AP5Z1: variants seen among roughly 807,000 people sequenced by gnomAD.
AP5Z1 encodes AP-5 complex subunit zeta-1.
In AP5Z1, 106 loss-of-function variants were observed where a neutral mutation model predicts 83.0. That is an observed-to-expected ratio of 1.28 (90% CI 1.09 to 1.50). The LOEUF is 1.50. Among genes scored for constraint, AP5Z1 ranks in the 40% most tolerant of loss-of-function variants. The probability of loss-of-function intolerance (pLI) is 0.00; values close to 1 mark genes in which losing one functional copy is unlikely to be tolerated. For missense variants in AP5Z1, 1,565 were observed against 1,094.2 expected (o/e 1.43, Z -6.07); for synonymous variants, 751 against 514.1 (o/e 1.46, Z -6.23).
intron 10 of AP5Z1, 164 bp from the exon 11 acceptor site, chr7:4,787,470 A>G: frequency 9.3e-7 from 1 of 1,076,494 alleles, no homozygotes; most frequent in Non-Finnish European, 1.3e-6. Context: ...TGGGCGACAG[A>G]GCAAGACCCT....
rs775668440 is a variant in AP5Z1 at position 4,791,339 on chromosome 7, C to G, written c.2378C>G (p.Thr793Arg). 3.7e-6 allele frequency: 6 copies of G among 1,609,628 alleles called. No individual in the cohort carries two copies. The highest frequency in any genetic ancestry group is 5.1e-6 in the Non-Finnish European group (6 of 1,178,586). The change falls in exon 17 of 17, where the codon ACG (threonine) becomes AGG (arginine). Residue 793 changes from threonine to arginine, a missense_variant. Transcript: ENST00000649063. The stretch of plus-strand genomic sequence containing the variant: ...ACGGCCCTGCCCCTGGCCCTGCGCA[C>G]GGTCAGCCGGCTGGTGGAGAGGGAG... The part of the protein sequence containing the change: ...ANTALPLALR[T>R]VSRLVEREAG...
intron 6 of AP5Z1, among the ~76,000 whole-genome samples, chr7:4,784,691 C>T (rs753898019): frequency 6.6e-6 from 1 of 152,172 alleles, no homozygotes; most frequent in Non-Finnish European, 1.5e-5. Flanking sequence ...CTCCCGGCTG[C>T]TCTGTGGACT....
chr7:4,785,980 C>T (rs143694710), intron 9 of AP5Z1, among the ~76,000 whole-genome samples: 2 of 152,316 alleles, frequency 1.3e-5, no homozygotes, highest in Non-Finnish European at 2.9e-5. Context: ...AATAAACAGA[C>T]TCTTTTTGCT....
intron 9 of AP5Z1, 118 bp downstream of exon 9, chr7:4,785,802 T>G: frequency 2.3e-6 from 3 of 1,318,790 alleles, no homozygotes; most frequent in East Asian, 2.7e-5. Flanking sequence ...GACAGGGGTC[T>G]TGCTGTGTTG....
In AP5Z1 at chr7:4,782,130, G is replaced by A. The variant is rs548727997; in HGVS notation, c.366+376G>A. Among the ~76,000 whole-genome samples, 5 of 152,280 alleles carry A rather than the reference G, an allele frequency of 3.3e-5. No homozygotes were observed. The South Asian group carries it at 1.0e-3, about 32-fold the overall frequency. ...TGCCATGGAGTGATCAATGCTCACT[G>A]CAGCCTCGACCTCCCTGGCTCAAGC... On this transcript the variant is annotated intron_variant, in intron 3 of 16. Coordinates refer to ENST00000649063, the MANE Select transcript of AP5Z1 (RefSeq NM_014855.3).
Position 4,788,845 on chromosome 7 carries a change from C to A in AP5Z1, c.1601C>A (p.Ala534Glu). 1 of 1,604,494 alleles carries A rather than the reference C, an allele frequency of 6.2e-7. No individual in the cohort carries two copies. The highest frequency in any genetic ancestry group is 1.1e-5 in the South Asian group (1 of 90,100). The part of the protein sequence containing the change: ...PKASGATERL[A>E]PLHQLLQPMA... Reference sequence around the variant, plus strand: ...CGGCCACACTGTGTCCTCAGGTTGGCGCCACTCCACCAGCTGCTGCAGCCC... The same window carrying A: ...CGGCCACACTGTGTCCTCAGGTTGGAGCCACTCCACCAGCTGCTGCAGCCC... Residue 534 changes from alanine (A) to glutamate (E), a missense_variant, in exon 13 of 17, where the codon GCG becomes GAG. Transcript: ENST00000649063.
Position 4,789,369 on chromosome 7 carries a change from C to T in AP5Z1, c.1707+418C>T, listed in dbSNP as rs538216170. ...GCTGGGGCCGGAGCAGTTTGTCCCC[C>T]TGCTGCCCCTGATAATTCAGCATCC... On this transcript the variant is annotated intron_variant, in intron 13 of 16. Transcript: ENST00000649063. 4.6e-5 allele frequency among the ~76,000 whole-genome samples: 7 copies of T among 152,252 alleles called. No individual in the cohort carries two copies. In the South Asian group the frequency reaches 1.5e-3, roughly 32 times the overall value.
intron 9 of AP5Z1, 64 bp from the exon 10 acceptor site, chr7:4,786,186 C>T (rs1366404844): frequency 2.0e-6 from 3 of 1,483,168 alleles, no homozygotes; most frequent in Non-Finnish European, 2.7e-6. Context: ...GGCCCCTAAC[C>T]AGTCACAGAA....
intron 1 of AP5Z1, among the ~76,000 whole-genome samples, chr7:4,778,467 G>A (rs1266763497): frequency 6.6e-6 from 1 of 152,122 alleles, no homozygotes; most frequent in Non-Finnish European, 1.5e-5. Context: ...CAGGCACAGG[G>A]TCTGTGCGAA....
chr7:4,787,357 G>A (rs1372193236), intron 10 of AP5Z1, among the ~76,000 whole-genome samples: 1 of 152,118 alleles, frequency 6.6e-6, no homozygotes, highest in Non-Finnish European at 1.5e-5. Flanking sequence ...ATGGTGGTGT[G>A]TGCCTGTAGT....
chr7:4,788,533 G>T, intron 12 of AP5Z1: 1 of 547,382 alleles, frequency 1.8e-6, no homozygotes. Flanking sequence ...CTTGGAGGTT[G>T]GCCCTGTGGG....
chr7:4,790,997 G>A, intron 16 of AP5Z1, 110 bp downstream of exon 16: 7 of 1,466,846 alleles, frequency 4.8e-6, no homozygotes, highest in Non-Finnish European at 6.3e-6. Flanking sequence ...GCAGGTCCTG[G>A]GTGGGCCCTG....
intron 12 of AP5Z1, 118 bp from the exon 13 acceptor site, chr7:4,788,722 G>T (rs537810690): frequency 1.1e-6 from 1 of 884,950 alleles, no homozygotes; most frequent in South Asian, 1.9e-5. Context: ...CCCGAGAGGC[G>T]ATGAGTGAGG....
chr7:4,777,056 T>C (rs976405193), intron 1 of AP5Z1, among the ~76,000 whole-genome samples: 9 of 152,324 alleles, frequency 5.9e-5, no homozygotes, highest in African/African-American at 2.2e-4. Flanking sequence ...GACAAAAATC[T>C]CTGATCAAAA....
chr7:4,776,813 TGAGAGGCCGAA>T (rs1469659881), intron 1 of AP5Z1, among the ~76,000 whole-genome samples: 1 of 151,426 alleles, frequency 6.6e-6, no homozygotes, highest in East Asian at 1.9e-4. Flanking sequence ...CTTGGTGAGG[TGAGAGGCCGAA>T]GCAGGAGAAG....
At position 4,790,489 on chromosome 7, in the gene AP5Z1, T is replaced by C; in HGVS notation, c.1836T>C (p.Cys612=). ...SVLSSQFLAL[C]TLKPSLVVEL... ...TGAGTTCTCAGTTCCTGGCCCTGTGTACGCTGAAACCCTCCCTGGTGGTGG... is the reference window on the plus strand; with the variant it reads ...TGAGTTCTCAGTTCCTGGCCCTGTGCACGCTGAAACCCTCCCTGGTGGTGG... Residue 612 remains cysteine, a synonymous_variant, in exon 15 of 17, where the codon TGT becomes TGC. Transcript: ENST00000649063. The C allele has an allele frequency of 6.2e-7, 1 of 1,613,188 alleles. No homozygotes were observed.
chr7:4,791,456 G>A lies in AP5Z1; in HGVS notation c.*71G>A. ...GCCAGCTTGCTACTGAGGCCAGGCT[G>A]ATAGGAGCTCAGGAGGGCGCGGGAG... On this transcript the variant is annotated 3_prime_UTR_variant, in exon 17 of 17. Transcript: ENST00000649063. The A allele has an allele frequency of 6.6e-7, 1 of 1,507,720 alleles. No individual in the cohort carries two copies. The allele number at this position is 1,507,720 out of a possible 1,614,324, so 93.4% of individuals were successfully genotyped here.
chr7:4,787,153 C>CTGGAGAAAA (rs1274019500), intron 10 of AP5Z1, among the ~76,000 whole-genome samples: 2 of 152,076 alleles, frequency 1.3e-5, no homozygotes, highest in African/African-American at 4.8e-5. Flanking sequence ...AATCCTCTTT[C>CTGGAGAAAA]TGGAGAAAAA....
intron 1 of AP5Z1, among the ~76,000 whole-genome samples, chr7:4,779,278 G>A (rs1041856986): frequency 3.4e-4 from 49 of 142,824 alleles, no homozygotes; most frequent in African/African-American, 7.9e-4. Context: ...ATAACATAAC[G>A]TATATAACGC....
Sources: gnomAD v4.1 joint callset for allele counts (sites outside exome capture counted in the v4.1 genomes callset) on GRCh38, gnomAD v4.1.1 for gene constraint, MANE v1.5 for transcripts, NCBI Gene and HGNC (gene_info 2026-07-23, HGNC 2026-07-21) for gene names.